Variants in SDHAF4 observed in about 807,000 individuals in gnomAD.
SDHAF4 encodes the protein succinate dehydrogenase assembly factor 4, mitochondrial.
A neutral mutation model predicts 14.3 loss-of-function variants in SDHAF4; 14 were observed. The ratio of observed to expected loss-of-function variants is 0.98; its 90% CI spans 0.65 to 1.53. The LOEUF (loss-of-function observed/expected upper bound fraction) is 1.53. Ranked by LOEUF, SDHAF4 falls within the 40% of genes most tolerant of loss-of-function variation. The pLI, the probability that SDHAF4 is intolerant of heterozygous loss-of-function variation, is 0.00. For synonymous variants in SDHAF4, 63 were observed against 47.3 expected (o/e 1.33, Z -1.36); for missense variants, 141 against 129.3 (o/e 1.09, Z -0.44).
At chr6:70,575,580 T>C (rs527908733) in intron 1 of SDHAF4, among the ~76,000 whole-genome samples, 1 of 152,308 alleles carries the variant, frequency 6.6e-6, no homozygotes, top group South Asian at 2.1e-4. Flanking sequence ...GTAAAGGTTC[T>C]ATCTCTGATT....
intron 1 of SDHAF4, among the ~76,000 whole-genome samples, chr6:70,569,998 C>A (rs1802159249): frequency 1.3e-5 from 2 of 151,994 alleles, no homozygotes; most frequent in African/African-American, 4.8e-5. Flanking sequence ...TTTATAGGAC[C>A]TTTCCCCTAC....
chr6:70,577,360 C>T (rs1396752099), intron 1 of SDHAF4, among the ~76,000 whole-genome samples: 3 of 145,244 alleles, frequency 2.1e-5, no homozygotes, highest in Non-Finnish European at 4.6e-5. Context: ...TCAAATTGAT[C>T]TGCTTCTAAA....
chr6:70,577,234 G>A (rs546305158), intron 1 of SDHAF4, among the ~76,000 whole-genome samples: 1 of 152,110 alleles, frequency 6.6e-6, no homozygotes, highest in Admixed American at 6.5e-5. Context: ...AATTCTGTCT[G>A]CTACCAAAAT....
the SDHAF4 span, chr6:70,596,973 G>A: frequency 2.0e-5 from 3 of 152,146 alleles, no homozygotes; most frequent in Non-Finnish European, 2.9e-5. Context: ...AGATAAGAAT[G>A]GCAGTGAGAT....
At position 70,588,938 on chromosome 6, in the gene SDHAF4, T is replaced by C. The variant is rs1765233735; in HGVS notation, c.*214T>C. 1 of 201,814 alleles carries C rather than the reference T, an allele frequency of 5.0e-6. No individual in the cohort carries two copies. The highest frequency in any genetic ancestry group is 1.3e-4 in the South Asian group (1 of 7,976). 12.5% of individuals were successfully genotyped at this position (201,814 alleles called of 1,614,324 possible). ...CAATATGGAGAAATCTCGCCTTTAC[T>C]AAAAATACAAAATTAGCCAGGCGTG... On this transcript the variant is annotated 3_prime_UTR_variant, in exon 3 of 3. Coordinates refer to ENST00000370474, the MANE Select transcript of SDHAF4 (RefSeq NM_145267.3).
At chr6:70,573,657 T>C (rs1341447353) in intron 1 of SDHAF4, among the ~76,000 whole-genome samples, 6 of 151,616 alleles carry the variant, frequency 4.0e-5, no homozygotes, top group African/African-American at 1.4e-4. Flanking sequence ...CTTTTTCTTT[T>C]CTTTTCTTTT....
the SDHAF4 span, among the ~76,000 whole-genome samples, chr6:70,597,206 T>C: frequency 6.6e-6 from 1 of 151,522 alleles, no homozygotes; most frequent in South Asian, 2.1e-4. Context: ...TGATCTCGGC[T>C]CACTGCAACC....
chr6:70,578,473 C>T (rs1802283767), intron 1 of SDHAF4, among the ~76,000 whole-genome samples: 1 of 152,106 alleles, frequency 6.6e-6, no homozygotes, highest in Admixed American at 6.6e-5. Context: ...GGATATGAGA[C>T]TTTTCTCAGA....
At chr6:70,592,752 G>A (rs1562060599), downstream of SDHAF4, among the ~76,000 whole-genome samples, 1 of 152,240 alleles carries the variant, frequency 6.6e-6, no homozygotes, top group Non-Finnish European at 1.5e-5. Flanking sequence ...CAAAAGGGAA[G>A]CAAAGCAGAA....
downstream of SDHAF4, among the ~76,000 whole-genome samples, chr6:70,593,193 C>T (rs1765274377): frequency 6.6e-6 from 1 of 152,228 alleles, no homozygotes; most frequent in Non-Finnish European, 1.5e-5. Context: ...CTGCTCATGC[C>T]CCCACTCCAG....
At position 70,568,962 on chromosome 6, in the gene SDHAF4, C is replaced by CTTTTTTTTTTTTT. The variant is rs5877254; in HGVS notation, c.64+1967_64+1979dup. Among the ~76,000 whole-genome samples the CTTTTTTTTTTTTT allele has an allele frequency of 1.4e-3, 142 of 97,974 alleles. 1 individual carries two copies. The highest frequency in any genetic ancestry group is 1.8e-3 in the Non-Finnish European group (94 of 53,674). The allele number at this position is 97,974 out of a possible 152,430, so 64.3% of individuals were successfully genotyped here. A position where few individuals can be genotyped will look rare whatever the true frequency, so the allele number is the denominator to read the frequency against. Reference sequence around the variant, plus strand: ...TTTGTGAAATACCTCTTTCTTTTTTCTTTTTTTTTTTTTTTTTTTTTGAGG... The same window carrying CTTTTTTTTTTTTT: ...TTTGTGAAATACCTCTTTCTTTTTTCTTTTTTTTTTTTTTTTTTTTTTTTTTTTTTTTTTGAGG... On this transcript the variant is annotated intron_variant, in intron 1 of 2. Coordinates refer to ENST00000370474, the MANE Select transcript of SDHAF4 (RefSeq NM_145267.3).
At chr6:70,568,309 A>G (rs1802131211) in intron 1 of SDHAF4, among the ~76,000 whole-genome samples, 2 of 152,142 alleles carry the variant, frequency 1.3e-5, no homozygotes, top group Non-Finnish European at 2.9e-5. Flanking sequence ...ACACACACGT[A>G]GCACACATGT....
chr6:70,593,042 T>G (rs1349402134), downstream of SDHAF4, among the ~76,000 whole-genome samples: 1 of 152,230 alleles, frequency 6.6e-6, no homozygotes, highest in Non-Finnish European at 1.5e-5. Flanking sequence ...CCGGGCTGCC[T>G]TGGACCTCTA....
chr6:70,574,309 G>A (rs1274444159), intron 1 of SDHAF4, among the ~76,000 whole-genome samples: 3 of 146,918 alleles, frequency 2.0e-5, no homozygotes, highest in Non-Finnish European at 4.4e-5. Context: ...GACAGAGCAA[G>A]CCTCCATCTC....
chr6:70,576,160 C>G (rs891664780), intron 1 of SDHAF4, among the ~76,000 whole-genome samples: 1 of 152,176 alleles, frequency 6.6e-6, no homozygotes, highest in Non-Finnish European at 1.5e-5. Context: ...ACACTTGTGT[C>G]GAAAGCTGTA....
intron 1 of SDHAF4, among the ~76,000 whole-genome samples, chr6:70,570,445 C>T (rs987407236): frequency 6.6e-6 from 1 of 152,140 alleles, no homozygotes; most frequent in East Asian, 1.9e-4. Flanking sequence ...GCCTCAGCCT[C>T]CCGAGTAGCT....
chr6:70,581,066 G>A (rs777904269), intron 2 of SDHAF4, among the ~76,000 whole-genome samples: 22 of 151,966 alleles, frequency 1.4e-4, no homozygotes, highest in Non-Finnish European at 2.5e-4. Flanking sequence ...CGAGTAGCTG[G>A]GATTACAGGC....
chr6:70,567,064 G>A (rs1470505713), intron 1 of SDHAF4, 60 bp downstream of exon 1: 1 of 1,473,028 alleles, frequency 6.8e-7, no homozygotes, highest in Non-Finnish European at 9.3e-7. Flanking sequence ...CAGGCGCAGA[G>A]AGAAGCGCCT....
At chr6:70,568,996 C>T (rs1333432206) in intron 1 of SDHAF4, among the ~76,000 whole-genome samples, 2 of 84,344 alleles carry the variant, frequency 2.4e-5, no homozygotes, top group South Asian at 3.9e-4. Flanking sequence ...GGCGGAGTTT[C>T]GCTCTGTCGC....
Sources: allele counts gnomAD v4.1 joint callset (sites outside exome capture counted in the v4.1 genomes callset), GRCh38; gene constraint gnomAD v4.1.1; transcripts MANE v1.5; gene names NCBI Gene and HGNC (gene_info 2026-07-23, HGNC 2026-07-21).